PHF21A: variants seen among roughly 807,000 people sequenced by gnomAD.
PHF21A encodes PHD finger protein 21A.
A neutral mutation model predicts 82.5 loss-of-function variants in PHF21A; 11 were observed. The observed-to-expected ratio is 0.13, with a 90% CI of 0.08 to 0.22. PHF21A has a LOEUF of 0.22. Among genes scored for constraint, PHF21A ranks in the 10% least tolerant of loss-of-function variants. PHF21A has a pLI of 1.00. For missense variants in PHF21A, 579 were observed against 837.8 expected, an observed-to-expected ratio of 0.69 and a Z score of 3.81; for synonymous variants, 297 against 302.8, an observed-to-expected ratio of 0.98 and a Z score of 0.20.
intron 6 of PHF21A, among the ~76,000 whole-genome samples, chr11:46,068,999 C>T (rs10501316): frequency 0.14 from 21,059 of 152,104 alleles, 1,643 homozygotes; most frequent in Non-Finnish European, 0.17. Flanking sequence ...TCTTTGACCA[C>T]TTAGGTACAA....
chr11:45,960,964 A>G (rs1186805308), intron 10 of PHF21A, among the ~76,000 whole-genome samples: 1 of 152,208 alleles, frequency 6.6e-6, no homozygotes, highest in African/African-American at 2.4e-5. Flanking sequence ...CTTCCTTGAG[A>G]TGAAGCATAT....
chr11:46,025,779 A>G (rs2095731466), intron 6 of PHF21A, among the ~76,000 whole-genome samples: 2 of 152,156 alleles, frequency 1.3e-5, no homozygotes, highest in African/African-American at 4.8e-5. Context: ...AATTATTTGC[A>G]AGTCATAGGC....
Position 45,951,319 on chromosome 11 carries a change from T to C in PHF21A, c.1096-1062A>G, listed in dbSNP as rs2092080899. ...TGACATCTTATCCTCGATATTATCC[T>C]ACTTTGGCCTGAAGTGATAGGTTCA... On this transcript the variant is annotated intron_variant, in intron 11 of 18. Coordinates refer to ENST00000676320, the MANE Select transcript of PHF21A (RefSeq NM_001352027.3). Among the ~76,000 whole-genome samples, 2 of 152,276 alleles carry C rather than the reference T, an allele frequency of 1.3e-5. 1 individual carries two copies. Among genetic ancestry groups the C allele is most frequent in the South Asian group, 4.1e-4 (2 of 4,834 alleles).
intron 14 of PHF21A, chr11:45,946,215 A>T: frequency 1.9e-6 from 2 of 1,078,134 alleles, no homozygotes; most frequent in Non-Finnish European, 2.8e-6. Flanking sequence ...TCTCAAGAGA[A>T]GGGAGGATAA....
intron 6 of PHF21A, among the ~76,000 whole-genome samples, chr11:46,036,175 G>C (rs1466084514): frequency 2.6e-5 from 4 of 152,208 alleles, no homozygotes; most frequent in Non-Finnish European, 4.4e-5. Flanking sequence ...ATCAAGGAAG[G>C]CTTTCAGAGT....
chr11:46,017,791 C>A (rs748015069), intron 6 of PHF21A, among the ~76,000 whole-genome samples: 1 of 152,048 alleles, frequency 6.6e-6, no homozygotes, highest in Admixed American at 6.5e-5. Flanking sequence ...AGAAATAAAC[C>A]AAGGTTCCAC....
At chr11:46,040,410 ATAACT>A (rs1363209746) in intron 6 of PHF21A, among the ~76,000 whole-genome samples, 1 of 152,240 alleles carries the variant, frequency 6.6e-6, no homozygotes, top group African/African-American at 2.4e-5. Flanking sequence ...TAATTCCAAA[ATAACT>A]TAGCAATCTA....
intron 11 of PHF21A, 142 bp from the exon 12 acceptor site, chr11:45,950,399 C>T (rs1479538814): frequency 5.3e-6 from 3 of 562,572 alleles, no homozygotes. Flanking sequence ...CTCTAAGCAG[C>T]CATGGAGATC....
rs1485908222 is a variant in PHF21A, at chr11:45,939,730, T to A, written c.1453-1418A>T. Among the ~76,000 whole-genome samples, 4 of 63,980 alleles carry A rather than the reference T, an allele frequency of 6.3e-5. No homozygotes were observed. In the Admixed American group the frequency reaches 9.2e-4, roughly 15 times the overall value. The allele number at this position is 63,980 out of a possible 152,430, so 42.0% of individuals were successfully genotyped here. The stretch of plus-strand genomic sequence containing the variant: ...CTCTGAACAGAAGGCACCATCAGAA[T>A]AAAGCAGATCTACTTAAAATTGGAA... On this transcript the variant is annotated intron_variant, in intron 15 of 18. Transcript: ENST00000676320.
chr11:46,008,293 T>C (rs2095341243), intron 6 of PHF21A, among the ~76,000 whole-genome samples: 1 of 152,224 alleles, frequency 6.6e-6, no homozygotes, highest in South Asian at 2.1e-4. Context: ...TTCCTGTGTG[T>C]GTGTCCTTAT....
At chr11:46,001,063 G>C (rs986717405) in intron 6 of PHF21A, among the ~76,000 whole-genome samples, 1 of 152,012 alleles carries the variant, frequency 6.6e-6, no homozygotes, top group Admixed American at 6.6e-5. Context: ...TCTAAGTAAT[G>C]CTACAGCAAT....
chr11:46,023,423 G>A (rs1240020023), intron 6 of PHF21A, among the ~76,000 whole-genome samples: 1 of 152,172 alleles, frequency 6.6e-6, no homozygotes, highest in Non-Finnish European at 1.5e-5. Context: ...TTTGGGAAGT[G>A]CCAAAACCCA....
intron 1 of PHF21A, among the ~76,000 whole-genome samples, chr11:46,104,817 C>T (rs139731828): frequency 6.6e-5 from 10 of 152,286 alleles, no homozygotes; most frequent in Non-Finnish European, 1.3e-4. Context: ...CAGTGGTATG[C>T]AGCACGTATG....
chr11:45,983,609 A>C (rs2094386304), intron 6 of PHF21A, among the ~76,000 whole-genome samples: 1 of 152,230 alleles, frequency 6.6e-6, no homozygotes, highest in South Asian at 2.1e-4. Context: ...GCTCTGCAGC[A>C]GAGGTGCTCC....
rs995591538 is a variant in PHF21A, at chr11:46,019,993, T to C, written c.154-40027A>G. Among the ~76,000 whole-genome samples, 3 of 142,626 alleles carry C rather than the reference T, an allele frequency of 2.1e-5. 1 individual carries two copies. The South Asian group carries it at 6.9e-4, about 33-fold the overall frequency. The allele number at this position is 142,626 out of a possible 152,430, so 93.6% of individuals were successfully genotyped here. ...TTTGCTATTTTCTACATTTTGACTC[T>C]TTTTTTTTTTAGCCATCATTATGAA... On this transcript the variant is annotated intron_variant, in intron 6 of 18. Coordinates refer to ENST00000676320, the MANE Select transcript of PHF21A (RefSeq NM_001352027.3).
At chr11:46,015,839 C>T (rs1056750911) in intron 6 of PHF21A, among the ~76,000 whole-genome samples, 12 of 152,056 alleles carry the variant, frequency 7.9e-5, no homozygotes, top group African/African-American at 2.9e-4. Context: ...GGTAACAATG[C>T]CTTCGTCTGA....
At chr11:45,984,383 C>T (rs183558667) in intron 6 of PHF21A, among the ~76,000 whole-genome samples, 1 of 152,260 alleles carries the variant, frequency 6.6e-6, no homozygotes, top group East Asian at 1.9e-4. Context: ...CCTTGACATT[C>T]GCATCACTGG....
chr11:45,979,449 C>A (rs139997788), intron 7 of PHF21A, among the ~76,000 whole-genome samples: 1 of 152,176 alleles, frequency 6.6e-6, no homozygotes, highest in African/African-American at 2.4e-5. Context: ...TAAATAAATA[C>A]CTCCAAAAAT....
intron 6 of PHF21A, among the ~76,000 whole-genome samples, chr11:46,030,821 G>A (rs1353039409): frequency 2.8e-5 from 3 of 107,778 alleles, no homozygotes; most frequent in African/African-American, 1.1e-4. Context: ...GTGTGTGTGC[G>A]TGTGTGTGCG....
Sources: gnomAD v4.1 joint callset for allele counts (sites outside exome capture counted in the v4.1 genomes callset) on GRCh38, gnomAD v4.1.1 for gene constraint, MANE v1.5 for transcripts, NCBI Gene and HGNC (gene_info 2026-07-23, HGNC 2026-07-21) for gene names.